The following EYS variants were observed in gnomAD, a reference collection of about 807,000 sequenced individuals.
The protein encoded by EYS is protein eyes shut homolog.
EYS carries 250 observed loss-of-function variants against 282.1 expected under a neutral mutation model. The observed-to-expected ratio is 0.89, with a 90% CI of 0.80 to 0.98. The LOEUF (loss-of-function observed/expected upper bound fraction) is 0.98, where lower values mean the gene tolerates loss of function less well. Ranked by LOEUF, EYS falls within the 50% of genes least tolerant of loss-of-function variation. The probability of loss-of-function intolerance (pLI) is 0.00; values close to 1 mark genes in which losing one functional copy is unlikely to be tolerated. For missense variants in EYS, 4,016 were observed against 3,709.0 expected (o/e 1.08, Z -2.15); for synonymous variants, 1,355 against 1,282.9 (o/e 1.06, Z -1.20).
At chr6:64,922,747 G>T (rs1406038590) in intron 15 of EYS, among the ~76,000 whole-genome samples, 1 of 152,038 alleles carries the variant, frequency 6.6e-6, no homozygotes, top group African/African-American at 2.4e-5. Flanking sequence ...TCATTCCCTA[G>T]CTTCTAGGGT....
chr6:64,394,861 A>G (rs1307521649), intron 28 of EYS, among the ~76,000 whole-genome samples: 1 of 152,228 alleles, frequency 6.6e-6, no homozygotes, highest in African/African-American at 2.4e-5. Context: ...AAAATGGGAG[A>G]AAATTTTTGC....
intron 13 of EYS, among the ~76,000 whole-genome samples, chr6:65,042,963 C>T (rs978351291): frequency 3.3e-5 from 5 of 151,278 alleles, no homozygotes; most frequent in East Asian, 3.9e-4. Context: ...TCTATGTAAA[C>T]GTGAATGTGT....
rs778809745 is a variant in EYS, at chr6:63,937,345, C to CTT, written c.7055+47036_7055+47037dup. Among the ~76,000 whole-genome samples, 50 of 54,430 alleles carry CTT rather than the reference C, an allele frequency of 9.2e-4. 3 individuals carry two copies. Among genetic ancestry groups the CTT allele is most frequent in the Non-Finnish European group, 1.1e-3 (31 of 28,396 alleles). The allele number at this position is 54,430 out of a possible 152,430, so 35.7% of individuals were successfully genotyped here. ...CAAATTTTCTAGGCTTCTCTCTTTT[C>CTT]TTTTTTTTTTTTTTTTTTTTTTTTT... On this transcript the variant is annotated intron_variant, in intron 35 of 42. Transcript: ENST00000503581.
At chr6:65,377,540 G>A (rs1197343662) in intron 8 of EYS, among the ~76,000 whole-genome samples, 1 of 151,980 alleles carries the variant, frequency 6.6e-6, no homozygotes, top group African/African-American at 2.4e-5. Context: ...AGAACCGAAG[G>A]AGATAAAGGC....
At chr6:64,660,333 G>T (rs1425872407) in intron 22 of EYS, among the ~76,000 whole-genome samples, 2 of 151,840 alleles carry the variant, frequency 1.3e-5, no homozygotes, top group African/African-American at 4.8e-5. Context: ...GCACAAGACA[G>T]GGATGCCCTC....
intron 36 of EYS, chr6:63,822,702 G>A (rs369414286): frequency 1.3e-5 from 2 of 152,128 alleles, no homozygotes; most frequent in East Asian, 3.8e-4. Flanking sequence ...AACAAAAATA[G>A]ATTTGTATCT....
intron 19 of EYS, among the ~76,000 whole-genome samples, chr6:64,864,385 C>CTGTTGTTTTTTTTTTTTT (rs1766348749): frequency 1.7e-5 from 1 of 57,166 alleles, no homozygotes; most frequent in African/African-American, 5.9e-5. Context: ...GCTATACCTT[C>CTGTTGTTTTTTTTTTTTT]TTTTTTTTTT....
intron 36 of EYS, among the ~76,000 whole-genome samples, chr6:63,834,107 C>G (rs999132138): frequency 1.3e-5 from 2 of 152,298 alleles, no homozygotes; most frequent in Non-Finnish European, 1.5e-5. Context: ...CATAAAAACT[C>G]TAGAAGAAAA....
At chr6:64,327,475 A>T (rs1255824182) in intron 29 of EYS, among the ~76,000 whole-genome samples, 1 of 152,140 alleles carries the variant, frequency 6.6e-6, no homozygotes, top group Non-Finnish European at 1.5e-5. Flanking sequence ...GCCATCTTTT[A>T]ATGTAGGGTA....
chr6:63,792,028 G>A (rs889601255), intron 37 of EYS, among the ~76,000 whole-genome samples: 4 of 152,034 alleles, frequency 2.6e-5, no homozygotes, highest in African/African-American at 9.7e-5. Flanking sequence ...GAGGAAGAGA[G>A]AGAAGGTGGT....
intron 5 of EYS, among the ~76,000 whole-genome samples, chr6:65,406,459 T>C (rs947195155): frequency 6.6e-6 from 1 of 152,110 alleles, no homozygotes; most frequent in Non-Finnish European, 1.5e-5. Flanking sequence ...CATTTTTATG[T>C]CATATATTTT....
At chr6:65,699,046 A>T (rs1456715219) in intron 1 of EYS, among the ~76,000 whole-genome samples, 1 of 152,148 alleles carries the variant, frequency 6.6e-6, no homozygotes, top group Admixed American at 6.5e-5. Flanking sequence ...CATGAATTGG[A>T]TTTACTTCCT....
At chr6:64,655,905 A>G (rs1168023818) in intron 22 of EYS, among the ~76,000 whole-genome samples, 2 of 152,146 alleles carry the variant, frequency 1.3e-5, no homozygotes, top group Non-Finnish European at 2.9e-5. Context: ...CTGTTTTATG[A>G]GTTAACACCT....
chr6:63,992,723 A>G (rs985178172), intron 34 of EYS, among the ~76,000 whole-genome samples: 5 of 151,888 alleles, frequency 3.3e-5, no homozygotes, highest in African/African-American at 1.2e-4. Flanking sequence ...ATGAGTTACA[A>G]GAAAACTTGG....
At chr6:65,386,849 T>A (rs1482143292) in intron 7 of EYS, among the ~76,000 whole-genome samples, 3 of 151,928 alleles carry the variant, frequency 2.0e-5, no homozygotes, top group African/African-American at 7.2e-5. Context: ...AATTTATAGT[T>A]TGTTTTTATG....
intron 13 of EYS, among the ~76,000 whole-genome samples, chr6:65,016,698 G>C (rs1478991456): frequency 1.3e-5 from 2 of 152,196 alleles, no homozygotes; most frequent in Admixed American, 1.3e-4. Context: ...GATTAGACTG[G>C]ACAGTATAAA....
chr6:65,063,501 T>C (rs1773641748), intron 12 of EYS, among the ~76,000 whole-genome samples: 1 of 151,958 alleles, frequency 6.6e-6, no homozygotes, highest in Non-Finnish European at 1.5e-5. Flanking sequence ...TGGGGGTAAA[T>C]GTCCCATAAT....
chr6:65,577,505 A>G (rs916873040), intron 2 of EYS, among the ~76,000 whole-genome samples: 4 of 151,866 alleles, frequency 2.6e-5, no homozygotes, highest in Non-Finnish European at 4.4e-5. Flanking sequence ...GCTCCATGAC[A>G]TTAGTCAGGG....
chr6:64,936,412 T>G (rs1406560079), intron 15 of EYS, among the ~76,000 whole-genome samples: 2 of 151,508 alleles, frequency 1.3e-5, no homozygotes, highest in South Asian at 2.1e-4. Flanking sequence ...AGTCTGTCAT[T>G]TCTAAGTTCA....
Sources: allele counts gnomAD v4.1 joint callset (sites outside exome capture counted in the v4.1 genomes callset), GRCh38; gene constraint gnomAD v4.1.1; transcripts MANE v1.5; gene names NCBI Gene and HGNC (gene_info 2026-07-23, HGNC 2026-07-21).